RUNX3: variants seen among roughly 807,000 people sequenced by gnomAD.
RUNX3 encodes RUNX family transcription factor 3.
Under a neutral mutation model 27.7 loss-of-function variants are expected in RUNX3, and 10 were observed. That is an observed-to-expected ratio of 0.36 (90% CI 0.22 to 0.61). The LOEUF (loss-of-function observed/expected upper bound fraction) is 0.61, where lower values mean the gene tolerates loss of function less well. Among genes scored for constraint, RUNX3 ranks in the 20% least tolerant of loss-of-function variants. The pLI is 0.72. For missense variants in RUNX3, 469 were observed against 629.5 expected, an observed-to-expected ratio of 0.75 and a Z score of 2.73; for synonymous variants, 270 against 269.2, an observed-to-expected ratio of 1.00 and a Z score of -0.03.
Position 24,919,174 on chromosome 1 carries a change from T to C in RUNX3, c.544+66A>G, listed in dbSNP as rs1200300800. 3 of 987,338 alleles carry C rather than the reference T, an allele frequency of 3.0e-6. No homozygotes were observed. In the African/African-American group the frequency reaches 5.0e-5, roughly 17 times the overall value. 61.2% of individuals were successfully genotyped at this position (987,338 alleles called of 1,614,324 possible). A position where few individuals can be genotyped will look rare whatever the true frequency, so the allele number is the denominator to read the frequency against. ...GAGGGCTCCATCTGTCTGACCTAGC[T>C]GCTGTCCTTCCCGCACTGGACCCTC... On this transcript the variant is annotated intron_variant, in intron 3 of 4. Coordinates refer to ENST00000308873, the MANE Select transcript of RUNX3 (RefSeq NM_004350.3).
chr1:24,937,850 T>C (rs1641384284), intron 2 of RUNX3, among the ~76,000 whole-genome samples: 1 of 152,132 alleles, frequency 6.6e-6, no homozygotes, highest in Non-Finnish European at 1.5e-5. Context: ...ACTTGTAAAT[T>C]TATTAGCTCT....
chr1:24,905,385 G>A (rs1011084838), intron 4 of RUNX3, among the ~76,000 whole-genome samples: 2 of 152,198 alleles, frequency 1.3e-5, no homozygotes, highest in African/African-American at 2.4e-5. Context: ...GTTCATGCTC[G>A]CCCTGTCCTG....
At chr1:24,912,942 G>A (rs1251417666) in intron 3 of RUNX3, among the ~76,000 whole-genome samples, 1 of 152,106 alleles carries the variant, frequency 6.6e-6, no homozygotes, top group Non-Finnish European at 1.5e-5. Flanking sequence ...ATAGGACTTG[G>A]GAGAGGAAGA....
chr1:24,928,038 A>G (rs556831092), intron 1 of RUNX3, among the ~76,000 whole-genome samples: 37 of 152,222 alleles, frequency 2.4e-4, no homozygotes, highest in Non-Finnish European at 4.7e-4. Flanking sequence ...CTCAGTCACT[A>G]TGATGTGGGG....
intron 2 of RUNX3, among the ~76,000 whole-genome samples, chr1:24,950,838 G>A (rs973517171): frequency 2.0e-5 from 3 of 152,154 alleles, no homozygotes; most frequent in Non-Finnish European, 4.4e-5. Flanking sequence ...AGGTGGAAGG[G>A]CCCCAGGAGA....
At chr1:24,937,570 G>A (rs956790415) in intron 2 of RUNX3, among the ~76,000 whole-genome samples, 1 of 152,234 alleles carries the variant, frequency 6.6e-6, no homozygotes, top group Non-Finnish European at 1.5e-5. Context: ...ATATGGCAAG[G>A]AAGCCTAGAC....
At chr1:24,935,391 TC>T (rs780323027) in intron 2 of RUNX3, among the ~76,000 whole-genome samples, 6 of 152,050 alleles carry the variant, frequency 3.9e-5, no homozygotes, top group Non-Finnish European at 8.8e-5. Context: ...ACCCACCTCC[TC>T]TCCACCTCCC....
At chr1:24,913,051 G>A (rs951015071) in intron 3 of RUNX3, among the ~76,000 whole-genome samples, 2 of 152,188 alleles carry the variant, frequency 1.3e-5, no homozygotes, top group African/African-American at 4.8e-5. Context: ...AGACCACCAA[G>A]TCACTCTCTG....
At chr1:24,913,676 C>CA (rs1640835403) in intron 3 of RUNX3, among the ~76,000 whole-genome samples, 1 of 152,238 alleles carries the variant, frequency 6.6e-6, no homozygotes, top group Non-Finnish European at 1.5e-5. Context: ...GGGGACTCAC[C>CA]AGGGTCACGC....
upstream of RUNX3, among the ~76,000 whole-genome samples, chr1:24,930,863 C>T (rs931855902): frequency 6.6e-6 from 1 of 152,192 alleles, no homozygotes; most frequent in African/African-American, 2.4e-5. This position sits in a 1 kb window ranked among gnomAD's most constrained non-coding sequence, Gnocchi z 4.1. Flanking sequence ...CAGCCCTGCG[C>T]GGCTTTGGTC....
upstream of RUNX3, among the ~76,000 whole-genome samples, chr1:24,934,069 T>C (rs1557849441): frequency 2.6e-5 from 4 of 152,328 alleles, no homozygotes; most frequent in South Asian, 8.3e-4. Context: ...GGATTAAGGA[T>C]TCCCTCTAGG....
At chr1:24,928,492 C>CTATT (rs1399866752) in intron 1 of RUNX3, among the ~76,000 whole-genome samples, 1 of 152,128 alleles carries the variant, frequency 6.6e-6, no homozygotes, top group Non-Finnish European at 1.5e-5. Context: ...AGAGTCACAA[C>CTATT]TATTTAAACG....
chr1:24,912,630 C>T (rs1640817580), intron 3 of RUNX3, among the ~76,000 whole-genome samples: 1 of 152,030 alleles, frequency 6.6e-6, no homozygotes, highest in African/African-American at 2.4e-5. Flanking sequence ...AGCGTCTAAG[C>T]AGCTGACAAG....
intron 3 of RUNX3, among the ~76,000 whole-genome samples, chr1:24,912,807 G>A (rs918193838): frequency 1.3e-5 from 2 of 151,776 alleles, no homozygotes; most frequent in Non-Finnish European, 2.9e-5. Context: ...CTATTGTGGC[G>A]GAAGAGGGCG....
intron 2 of RUNX3, among the ~76,000 whole-genome samples, chr1:24,920,077 G>T (rs1640969317): frequency 6.6e-6 from 1 of 152,042 alleles, no homozygotes; most frequent in Non-Finnish European, 1.5e-5. Context: ...AGCTGAAAAA[G>T]GACTGATTTG....
At chr1:24,930,512 G>A (rs1225531835), upstream of RUNX3, among the ~76,000 whole-genome samples, 4 of 151,992 alleles carry the variant, frequency 2.6e-5, no homozygotes, top group Non-Finnish European at 2.9e-5. This position sits in a 1 kb window ranked among gnomAD's most constrained non-coding sequence, Gnocchi z 4.1. Flanking sequence ...GGGAGCCCGG[G>A]GCAAATGCTA....
chr1:24,945,194 T>A (rs1221514100), intron 2 of RUNX3, among the ~76,000 whole-genome samples: 3 of 152,210 alleles, frequency 2.0e-5, no homozygotes, highest in East Asian at 3.8e-4. Context: ...ATGAACTCCT[T>A]TTTAGTATAA....
At chr1:24,950,512 AT>A (rs1641731860) in intron 2 of RUNX3, among the ~76,000 whole-genome samples, 1 of 152,244 alleles carries the variant, frequency 6.6e-6, no homozygotes, top group Non-Finnish European at 1.5e-5. Context: ...ATGATCCAGC[AT>A]TTCAATATGG....
At chr1:24,926,867 C>T (rs914804995) in intron 2 of RUNX3, among the ~76,000 whole-genome samples, 2 of 152,202 alleles carry the variant, frequency 1.3e-5, no homozygotes, top group Non-Finnish European at 2.9e-5. Flanking sequence ...CAGGACTTTC[C>T]CATCCAGGAG....
Sources: gnomAD v4.1 joint callset for allele counts (sites outside exome capture counted in the v4.1 genomes callset) on GRCh38, gnomAD v4.1.1 for gene constraint, Gnocchi (gnomAD v3.1) non-coding constraint, MANE v1.5 for transcripts, NCBI Gene and HGNC (gene_info 2026-07-23, HGNC 2026-07-21) for gene names.